Variants in HS6ST3 observed in about 807,000 individuals in gnomAD.
HS6ST3 encodes the protein heparan-sulfate 6-O-sulfotransferase 3.
HS6ST3 carries 12 observed loss-of-function variants against 36.7 expected under a neutral mutation model. The ratio of observed to expected loss-of-function variants is 0.33; its 90% confidence interval spans 0.21 to 0.53. The LOEUF (loss-of-function observed/expected upper bound fraction) is 0.53, where lower values mean the gene tolerates loss of function less well. Ranked by LOEUF, HS6ST3 falls within the 20% of genes least tolerant of loss-of-function variation. The probability of loss-of-function intolerance (pLI) is 0.95; values close to 1 mark genes in which losing one functional copy is unlikely to be tolerated. For missense variants in HS6ST3, 584 were observed against 640.9 expected (o/e 0.91, Z 0.96); for synonymous variants, 240 against 257.5 (o/e 0.93, Z 0.65).
At chr13:96,830,614 T>C (rs1221379747) in intron 1 of HS6ST3, among the ~76,000 whole-genome samples, 2 of 152,152 alleles carry the variant, frequency 1.3e-5, no homozygotes, top group Non-Finnish European at 2.9e-5. Context: ...GACGCCAGGT[T>C]GAGGACAGGC....
chr13:96,702,071 G>T (rs992420804), intron 1 of HS6ST3, among the ~76,000 whole-genome samples: 1 of 152,232 alleles, frequency 6.6e-6, no homozygotes, highest in Non-Finnish European at 1.5e-5. Flanking sequence ...TCCACAGGAA[G>T]ATGGGCTGAG....
chr13:96,208,594 T>G (rs1296280684), intron 1 of HS6ST3, among the ~76,000 whole-genome samples: 1 of 152,228 alleles, frequency 6.6e-6, no homozygotes, highest in Non-Finnish European at 1.5e-5. Flanking sequence ...AGGCCAACTA[T>G]TGTTAGAATT....
At chr13:96,350,111 C>T (rs1340556176) in intron 1 of HS6ST3, among the ~76,000 whole-genome samples, 1 of 152,096 alleles carries the variant, frequency 6.6e-6, no homozygotes, top group Non-Finnish European at 1.5e-5. Context: ...ATTTCCTTGC[C>T]CAGATTGCAT....
intron 1 of HS6ST3, among the ~76,000 whole-genome samples, chr13:96,296,784 T>C (rs1374040655): frequency 6.6e-6 from 1 of 152,100 alleles, no homozygotes; most frequent in Non-Finnish European, 1.5e-5. Flanking sequence ...ACCTTTATAG[T>C]TTCATTCGAA....
At chr13:96,625,446 T>C (rs1024763233) in intron 1 of HS6ST3, among the ~76,000 whole-genome samples, 30 of 152,180 alleles carry the variant, frequency 2.0e-4, no homozygotes, top group African/African-American at 7.0e-4. Context: ...AGCAAGTTGG[T>C]TGCCAAAACG....
rs187607429 is a variant in HS6ST3 at position 96,730,186 on chromosome 13, T to C, written c.708-102304T>C. ...TTCACGCAGGTCTTTTTCCAGATCA[T>C]TAATAAAGTTGTGGCTCAAACTGAA... On this transcript the variant is annotated intron_variant, in intron 1 of 1. Coordinates refer to ENST00000376705, the MANE Select transcript of HS6ST3 (RefSeq NM_153456.4). Among the ~76,000 whole-genome samples the C allele has an allele frequency of 3.9e-5, 6 of 152,364 alleles. No individual in the cohort carries two copies. In the East Asian group the frequency reaches 1.2e-3, roughly 29 times the overall value.
At chr13:96,540,782 T>C (rs941347409) in intron 1 of HS6ST3, among the ~76,000 whole-genome samples, 5 of 152,216 alleles carry the variant, frequency 3.3e-5, no homozygotes, top group African/African-American at 7.2e-5. Context: ...TAGGCATTCC[T>C]ATTTATTTCT....
chr13:96,662,823 G>A (rs564594996), intron 1 of HS6ST3, among the ~76,000 whole-genome samples: 1 of 152,108 alleles, frequency 6.6e-6, no homozygotes, highest in Non-Finnish European at 1.5e-5. Context: ...CTTTATATTG[G>A]TTAGGGTCTT....
intron 1 of HS6ST3, among the ~76,000 whole-genome samples, chr13:96,236,184 T>G (rs1229758272): frequency 2.6e-5 from 4 of 152,242 alleles, no homozygotes; most frequent in African/African-American, 9.6e-5. Context: ...AGTCATGCTG[T>G]TATGCTGCTA....
At position 96,358,044 on chromosome 13, in the gene HS6ST3, C is replaced by A. The variant is rs189401152; in HGVS notation, c.707+266475C>A. 2.9e-4 allele frequency among the ~76,000 whole-genome samples: 44 copies of A among 152,138 alleles called. No individual in the cohort carries two copies. The East Asian group carries it at 8.3e-3, about 29-fold the overall frequency. On this transcript the variant is annotated intron_variant, in intron 1 of 1. Transcript: ENST00000376705. ...TCAAAGCAGGGTTGCCACACACCTTCAATTCGTAAAAAAAGTAACATCTGT... is the reference window on the plus strand; with the variant it reads ...TCAAAGCAGGGTTGCCACACACCTTAAATTCGTAAAAAAAGTAACATCTGT...
intron 1 of HS6ST3, among the ~76,000 whole-genome samples, chr13:96,654,609 C>T (rs924903639): frequency 2.6e-5 from 4 of 152,026 alleles, no homozygotes; most frequent in Non-Finnish European, 4.4e-5. Context: ...TTTGTTACTG[C>T]AGCCTTGTAG....
chr13:96,358,303 T>C (rs1367245297), intron 1 of HS6ST3, among the ~76,000 whole-genome samples: 3 of 151,978 alleles, frequency 2.0e-5, no homozygotes, highest in Non-Finnish European at 4.4e-5. Flanking sequence ...CATCACAGGC[T>C]ACCTATCTAA....
At chr13:96,403,261 T>C (rs371439651) in intron 1 of HS6ST3, among the ~76,000 whole-genome samples, 1 of 152,224 alleles carries the variant, frequency 6.6e-6, no homozygotes, top group African/African-American at 2.4e-5. Flanking sequence ...TTATGTGACT[T>C]GAGTACTTAC....
rs540639954 is a variant in HS6ST3 at position 96,090,681 on chromosome 13, C to T, written c.-182C>T. On this transcript the variant is annotated 5_prime_UTR_variant, in exon 1 of 2. Transcript: ENST00000376705. The stretch of plus-strand genomic sequence containing the variant: ...GCCTCCCCCGCCCGGCTCGCAGGCC[C>T]CGGCTCCTCAAGCCCCGAGGGCCGC... Among the ~76,000 whole-genome samples the T allele has an allele frequency of 4.0e-3, 588 of 147,970 alleles. 1 individual carries two copies. The highest frequency in any genetic ancestry group is 6.1e-3 in the Non-Finnish European group (409 of 66,556).
chr13:96,640,383 C>A (rs887651148), intron 1 of HS6ST3, among the ~76,000 whole-genome samples: 1 of 151,876 alleles, frequency 6.6e-6, no homozygotes, highest in African/African-American at 2.4e-5. Context: ...AGTGTTTGCT[C>A]ATGTCTTTTG....
intron 1 of HS6ST3, among the ~76,000 whole-genome samples, chr13:96,259,718 C>T (rs1401539246): frequency 6.6e-6 from 1 of 152,118 alleles, no homozygotes; most frequent in African/African-American, 2.4e-5. Context: ...TAACTTCAAT[C>T]ATTGAGTTTT....
At chr13:96,602,032 A>T (rs1017196677) in intron 1 of HS6ST3, among the ~76,000 whole-genome samples, 1 of 152,026 alleles carries the variant, frequency 6.6e-6, no homozygotes, top group Non-Finnish European at 1.5e-5. Context: ...GCAGTTTTAA[A>T]TTTTTTCCTA....
At chr13:96,267,485 C>G (rs2054698081) in intron 1 of HS6ST3, among the ~76,000 whole-genome samples, 1 of 152,076 alleles carries the variant, frequency 6.6e-6, no homozygotes, top group East Asian at 1.9e-4. Flanking sequence ...TTTATTTCTA[C>G]TTTTCCTCAG....
intron 1 of HS6ST3, among the ~76,000 whole-genome samples, chr13:96,533,695 A>G (rs1398898243): frequency 1.3e-5 from 2 of 152,314 alleles, no homozygotes; most frequent in South Asian, 2.1e-4. Context: ...GCCATCAAAC[A>G]TGATGACTAA....
Sources: gnomAD v4.1 joint callset for allele counts (sites outside exome capture counted in the v4.1 genomes callset) on GRCh38, gnomAD v4.1.1 for gene constraint, MANE v1.5 for transcripts, NCBI Gene and HGNC (gene_info 2026-07-23, HGNC 2026-07-21) for gene names.